Variants in TFRC observed in about 807,000 individuals in gnomAD.
TFRC encodes the protein transferrin receptor protein 1.
In TFRC, 35 loss-of-function variants were observed where a neutral mutation model predicts 85.8. The observed-to-expected ratio is 0.41, with a 90% CI of 0.31 to 0.54. TFRC has a LOEUF of 0.54. Ranked by LOEUF, TFRC falls within the 20% of genes least tolerant of loss-of-function variation. TFRC has a pLI of 0.31. For synonymous variants in TFRC, 362 were observed against 328.6 expected (o/e 1.10, Z -1.10); for missense variants, 828 against 921.5 (o/e 0.90, Z 1.31).
chr3:196,064,997 C>T (rs1333932472), intron 10 of TFRC, among the ~76,000 whole-genome samples: 1 of 152,172 alleles, frequency 6.6e-6, no homozygotes, highest in Non-Finnish European at 1.5e-5. Flanking sequence ...GTGGCTCATG[C>T]CTGTAATCCC....
At chr3:196,072,642 G>A (rs1718306225) in intron 4 of TFRC, among the ~76,000 whole-genome samples, 1 of 152,122 alleles carries the variant, frequency 6.6e-6, no homozygotes, top group Non-Finnish European at 1.5e-5. Flanking sequence ...TAACCATAAG[G>A]TCTGGTGTAC....
At chr3:196,060,304 C>T in intron 13 of TFRC, 57 bp from the exon 14 acceptor site, 1 of 1,401,040 alleles carries the variant, frequency 7.1e-7, no homozygotes. Flanking sequence ...TTTCACACTG[C>T]TACTTCTACA....
In TFRC at chr3:196,062,589, C is replaced by T. The variant is rs377577971; in HGVS notation, c.1461G>A (p.Ala487=). The T allele has an allele frequency of 7.7e-5, 123 of 1,606,884 alleles. No individual in the cohort carries two copies. Among genetic ancestry groups the T allele is most frequent in the East Asian group, 6.2e-4 (28 of 44,886 alleles). ...KAFTYINLDK[A]VLGTSNFKVS... ...AATGAAAGGGATACTTACCAAGAAC[C>T]GCTTTATCCAGATTAATATAAGTGA... The change falls in exon 13 of 19, where the codon GCG becomes GCA. Residue 487 remains alanine (A), a synonymous_variant. Coordinates refer to ENST00000360110, the MANE Select transcript of TFRC (RefSeq NM_001128148.3).
At chr3:196,052,843 C>T (rs1028739785) in intron 18 of TFRC, among the ~76,000 whole-genome samples, 3 of 152,054 alleles carry the variant, frequency 2.0e-5, no homozygotes, top group East Asian at 1.9e-4. Context: ...CTAGGCACAG[C>T]GGCTCACGCT....
At chr3:196,081,444 C>T (rs1719167853) in intron 1 of TFRC, among the ~76,000 whole-genome samples, 1 of 152,364 alleles carries the variant, frequency 6.6e-6, no homozygotes, top group South Asian at 2.1e-4. Context: ...TTGTCCCTTT[C>T]CGCAGTGAGA....
intron 14 of TFRC, among the ~76,000 whole-genome samples, 164 bp downstream of exon 14, chr3:196,060,016 C>T (rs1230131719): frequency 6.6e-6 from 1 of 152,142 alleles, no homozygotes; most frequent in Non-Finnish European, 1.5e-5. Flanking sequence ...GCCCTCATCT[C>T]ATATGGTTCA....
chr3:196,073,048 A>AC (rs768480154), intron 4 of TFRC, among the ~76,000 whole-genome samples: 5,213 of 60,344 alleles, frequency 0.086, 157 homozygotes, highest in Middle Eastern at 0.2. Flanking sequence ...AAAAAAAAAA[A>AC]AAAAAAAAAA....
chr3:196,061,376 G>A (rs2284889), intron 13 of TFRC, among the ~76,000 whole-genome samples: 73,264 of 151,978 alleles, frequency 0.48, 19,414 homozygotes, highest in Non-Finnish European at 0.61. Flanking sequence ...ATTACCTGTA[G>A]TGCTTGTTAA....
At position 196,065,420 on chromosome 3, in the gene TFRC, G is replaced by GGA; in HGVS notation, c.1198+22_1198+23insTC. The GGA allele has an allele frequency of 2.2e-4, 11 of 49,320 alleles. No individual in the cohort carries two copies. In the South Asian group the frequency reaches 6.9e-3, roughly 31 times the overall value. 3.1% of individuals were successfully genotyped at this position (49,320 alleles called of 1,614,324 possible). A position where few individuals can be genotyped will look rare whatever the true frequency, so the allele number is the denominator to read the frequency against. On this transcript the variant is annotated intron_variant, in intron 10 of 18. Coordinates refer to ENST00000360110, the MANE Select transcript of TFRC (RefSeq NM_001128148.3). ...AGAAAACAAAAAAAAAGCGGGGCGG[G>GGA]GGGGGGGGGGGGCGGTCTTTACCTG... is the stretch of plus-strand genomic sequence containing the variant.
In TFRC at chr3:196,051,391, C is replaced by T. The variant is rs41298105; in HGVS notation, c.*551G>A. The T allele has an allele frequency of 3.1e-3, 677 of 218,460 alleles. 3 individuals carry two copies. Among genetic ancestry groups the T allele is most frequent in the Non-Finnish European group, 4.5e-3 (488 of 108,604 alleles). The allele number at this position is 218,460 out of a possible 1,614,324, so 13.5% of individuals were successfully genotyped here. ...CTCATTTTATCCAGCAGAAGGACCT[C>T]CATTTCAGACCTCATTGGCAAGAAA... On this transcript the variant is annotated 3_prime_UTR_variant, in exon 19 of 19. Coordinates refer to ENST00000360110, the MANE Select transcript of TFRC (RefSeq NM_001128148.3).
intron 12 of TFRC, 21 bp from the exon 13 acceptor site, chr3:196,062,666 C>T (rs1560075300): frequency 6.3e-7 from 1 of 1,593,134 alleles, no homozygotes; most frequent in African/African-American, 1.4e-5. Context: ...AGGGAAAACA[C>T]TAATAAGTAT....
Position 196,067,583 on chromosome 3 carries a change from C to T in TFRC, c.975G>A (p.Arg325=). 2 of 1,614,108 alleles carry T rather than the reference C, an allele frequency of 1.2e-6. No individual in the cohort carries two copies. The highest frequency in any genetic ancestry group is 2.2e-5 in the East Asian group (1 of 44,882). ...SFNHTQFPPS[R]SSGLPNIPVQ... is the part of the protein sequence containing the mutation. ...CAGGTATATTAGGCAATCCTGATGA[C>T]CGAGATGGTGGAAACTGAGTGTGAT... is the stretch of plus-strand genomic sequence containing the variant. Residue 325 remains arginine (R), a synonymous_variant, in exon 9 of 19, where the codon CGG becomes CGA. Coordinates refer to ENST00000360110, the MANE Select transcript of TFRC (RefSeq NM_001128148.3).
At chr3:196,079,026 G>T (rs983065240) in intron 1 of TFRC, among the ~76,000 whole-genome samples, 1 of 152,070 alleles carries the variant, frequency 6.6e-6, no homozygotes. Context: ...CACCCACCTG[G>T]CCTCCCAAAG....
At chr3:196,059,952 T>G (rs1429457670) in intron 14 of TFRC, among the ~76,000 whole-genome samples, 2 of 152,204 alleles carry the variant, frequency 1.3e-5, no homozygotes, top group African/African-American at 4.8e-5. Flanking sequence ...AGCTTAGGCC[T>G]CATGGCATTT....
chr3:196,073,088 T>C (rs1718363992), intron 4 of TFRC, among the ~76,000 whole-genome samples: 1 of 145,778 alleles, frequency 6.9e-6, no homozygotes, highest in Non-Finnish European at 1.5e-5. Flanking sequence ...AGCATGGTGG[T>C]ACAAGCCTGT....
chr3:196,076,178 A>G (rs1187331130), intron 2 of TFRC, among the ~76,000 whole-genome samples: 1 of 152,080 alleles, frequency 6.6e-6, no homozygotes, highest in Non-Finnish European at 1.5e-5. Context: ...ATAAATAAAT[A>G]CAAATAAGAG....
At position 196,058,355 on chromosome 3, in the gene TFRC, T is replaced by C. The variant is rs1294622341; in HGVS notation, c.1606A>G (p.Thr536Ala). ...AAAGGGAAAGCAGCATTGTCTAAAG[T>C]GAGTTTCTCACTGCAAAGACAAAGA... is the stretch of plus-strand genomic sequence containing the variant. ...SNWASKVEKL[T>A]LDNAAFPFLA... The change falls in exon 16 of 19, where the codon ACT (threonine) becomes GCT (alanine). Residue 536 changes from threonine (T) to alanine (A), a missense_variant. Physicochemically the swap from Thr to Ala is moderately conservative, Grantham distance 58. Transcript: ENST00000360110. 6.2e-7 allele frequency: 1 copy of C among 1,613,730 alleles called. No individual in the cohort carries two copies. The highest frequency in any genetic ancestry group is 1.7e-5 in the Admixed American group (1 of 59,940).
intron 2 of TFRC, among the ~76,000 whole-genome samples, 162 bp from the exon 3 acceptor site, chr3:196,075,522 C>G (rs1180107748): frequency 6.6e-6 from 1 of 152,040 alleles, no homozygotes; most frequent in Non-Finnish European, 1.5e-5. Context: ...CAGTCAAGGG[C>G]TAGTTCACAC....
At position 196,073,968 on chromosome 3, in the gene TFRC, C is replaced by A. The variant is rs150889988; in HGVS notation, c.396G>T (p.Ser132=). 8.7e-6 allele frequency: 14 copies of A among 1,614,076 alleles called. No homozygotes were observed. The African/African-American group carries it at 1.9e-4, about 22-fold the overall frequency. ...LYWDDLKRKL[S]EKLDSTDFTG... ...TGAAGTCTGTGCTGTCCAGTTTCTC[C>A]GACAACTTTCTCTTCAGGTCATCCC... is the stretch of plus-strand genomic sequence containing the variant. Residue 132 remains serine, a synonymous_variant, in exon 4 of 19, where the codon TCG becomes TCT. Coordinates refer to ENST00000360110, the MANE Select transcript of TFRC (RefSeq NM_001128148.3).
Sources: allele counts gnomAD v4.1 joint callset (sites outside exome capture counted in the v4.1 genomes callset), GRCh38; gene constraint gnomAD v4.1.1; transcripts MANE v1.5; gene names NCBI Gene and HGNC (gene_info 2026-07-23, HGNC 2026-07-21).